HIBADH: variants seen among roughly 807,000 people sequenced by gnomAD.
HIBADH encodes the protein 3-hydroxyisobutyrate dehydrogenase, mitochondrial.
A neutral mutation model predicts 36.1 loss-of-function variants in HIBADH; 25 were observed. The observed-to-expected ratio is 0.69, with a 90% CI of 0.50 to 0.97. The LOEUF (loss-of-function observed/expected upper bound fraction) is 0.97. Among genes scored for constraint, HIBADH ranks in the 50% least tolerant of loss-of-function variants. The pLI is 0.00. For missense variants in HIBADH, 421 were observed against 418.0 expected (o/e 1.01, Z -0.06); for synonymous variants, 160 against 149.5 (o/e 1.07, Z -0.51).
chr7:27,534,541 A>G (rs946313113), intron 6 of HIBADH, among the ~76,000 whole-genome samples: 1 of 152,110 alleles, frequency 6.6e-6, no homozygotes, highest in Non-Finnish European at 1.5e-5. Context: ...GCCATATCTT[A>G]TCCCCTCACT....
chr7:27,645,368 A>ATGTTTTTTTGTTTTT (rs1554300959), intron 2 of HIBADH, among the ~76,000 whole-genome samples: 1 of 59,652 alleles, frequency 1.7e-5, no homozygotes, highest in African/African-American at 6.3e-5. Flanking sequence ...CATGGTTTTG[A>ATGTTTTTTTGTTTTT]TTTTTTTTTT....
intron 1 of HIBADH, among the ~76,000 whole-genome samples, chr7:27,655,415 G>A (rs900087020): frequency 3.3e-5 from 5 of 152,122 alleles, no homozygotes; most frequent in African/African-American, 4.8e-5. Context: ...ATTCAAGCGG[G>A]ATAGGTATAT....
intron 4 of HIBADH, among the ~76,000 whole-genome samples, chr7:27,549,079 A>G (rs978665539): frequency 6.6e-6 from 1 of 152,204 alleles, no homozygotes; most frequent in African/African-American, 2.4e-5. Context: ...TCTGCCTGTT[A>G]TCTAAATGCA....
intron 7 of HIBADH, among the ~76,000 whole-genome samples, chr7:27,529,254 A>G (rs1236739126): frequency 2.6e-5 from 4 of 152,032 alleles, no homozygotes; most frequent in African/African-American, 4.8e-5. Context: ...CCATGGATCA[A>G]AGAGTCATTT....
chr7:27,648,990 C>T (rs1786126510), intron 2 of HIBADH, among the ~76,000 whole-genome samples: 1 of 152,176 alleles, frequency 6.6e-6, no homozygotes, highest in African/African-American at 2.4e-5. Flanking sequence ...CATAGGTTGT[C>T]ATCGTTCACA....
chr7:27,559,255 C>T (rs1454560869), intron 4 of HIBADH, among the ~76,000 whole-genome samples: 1 of 152,132 alleles, frequency 6.6e-6, no homozygotes, highest in Non-Finnish European at 1.5e-5. Context: ...TGGTCATATT[C>T]TGAGATACTT....
At chr7:27,641,646 T>C (rs1785963371) in intron 2 of HIBADH, among the ~76,000 whole-genome samples, 1 of 152,250 alleles carries the variant, frequency 6.6e-6, no homozygotes, top group South Asian at 2.1e-4. Context: ...CATTTTAATA[T>C]ATCAGAACGT....
At chr7:27,530,366 C>T (rs1483157168) in intron 7 of HIBADH, among the ~76,000 whole-genome samples, 4 of 152,032 alleles carry the variant, frequency 2.6e-5, no homozygotes, top group East Asian at 1.9e-4. Flanking sequence ...CCACCACGCC[C>T]GACTAATTTT....
chr7:27,616,459 T>G (rs1161776734), intron 4 of HIBADH, among the ~76,000 whole-genome samples: 1 of 151,866 alleles, frequency 6.6e-6, no homozygotes, highest in Non-Finnish European at 1.5e-5. Context: ...GTCTTCGTTG[T>G]TTTTTTTGTT....
At chr7:27,649,719 ATTTTT>A in intron 1 of HIBADH, 86 bp from the exon 2 acceptor site, 4 of 1,043,964 alleles carry the variant, frequency 3.8e-6, no homozygotes, top group Non-Finnish European at 5.2e-6. Flanking sequence ...CAATTGTTAG[ATTTTT>A]TTTTTTTAAT....
At chr7:27,529,893 C>G (rs376177807) in intron 7 of HIBADH, among the ~76,000 whole-genome samples, 5 of 152,184 alleles carry the variant, frequency 3.3e-5, no homozygotes, top group Middle Eastern at 3.2e-3. Flanking sequence ...CTTCAGCAAC[C>G]GCCACCCTGG....
chr7:27,566,130 T>C (rs1481658890), intron 4 of HIBADH, among the ~76,000 whole-genome samples: 1 of 152,138 alleles, frequency 6.6e-6, no homozygotes, highest in Non-Finnish European at 1.5e-5. Flanking sequence ...ACTAGTCTTA[T>C]AGTTTATCTG....
At chr7:27,645,368 A>ATGTTTT (rs1554300959) in intron 2 of HIBADH, among the ~76,000 whole-genome samples, 2,984 of 59,600 alleles carry the variant, frequency 0.05, 891 homozygotes, top group East Asian at 0.18. Context: ...CATGGTTTTG[A>ATGTTTT]TTTTTTTTTT....
chr7:27,541,890 A>G (rs1784156751), intron 5 of HIBADH: 1 of 290,550 alleles, frequency 3.4e-6, no homozygotes, highest in African/African-American at 2.3e-5. Flanking sequence ...TACTTGTAAC[A>G]CTTGAGTTCA....
At chr7:27,558,888 T>C (rs1436731426) in intron 4 of HIBADH, among the ~76,000 whole-genome samples, 1 of 152,180 alleles carries the variant, frequency 6.6e-6, no homozygotes, top group Non-Finnish European at 1.5e-5. Context: ...AGCAGAATAT[T>C]TTCAAGTTTG....
rs146545672 is a variant in HIBADH, at chr7:27,581,340, T to C, written c.485-38240A>G. Among the ~76,000 whole-genome samples, 600 of 152,254 alleles carry C rather than the reference T, an allele frequency of 3.9e-3. 2 individuals carry two copies. Among genetic ancestry groups the C allele is most frequent in the Middle Eastern group, 0.02 (6 of 294 alleles). On this transcript the variant is annotated intron_variant, in intron 4 of 7. Transcript: ENST00000265395. ...CGAGGAAGCTGAGGATGTGTAATCA[T>C]GTACGGTGGAATATAAACCAGTAGG...
chr7:27,581,805 C>T (rs1784796685), intron 4 of HIBADH, among the ~76,000 whole-genome samples: 1 of 150,986 alleles, frequency 6.6e-6, no homozygotes, highest in Non-Finnish European at 1.5e-5. Context: ...TTTCCATTCT[C>T]ATTTTAAAAA....
At chr7:27,587,487 C>A (rs890057239) in intron 4 of HIBADH, among the ~76,000 whole-genome samples, 3 of 152,038 alleles carry the variant, frequency 2.0e-5, no homozygotes, top group African/African-American at 7.2e-5. Context: ...GTAGCTTTTA[C>A]TAATACCTAC....
chr7:27,626,105 A>G (rs1019498600), intron 4 of HIBADH, among the ~76,000 whole-genome samples: 1 of 27,582 alleles, frequency 3.6e-5, no homozygotes, highest in African/African-American at 2.5e-4. Flanking sequence ...TCCGTCTCAG[A>G]AAAAAAAAAA....
Sources: gnomAD v4.1 joint callset for allele counts (sites outside exome capture counted in the v4.1 genomes callset) on GRCh38, gnomAD v4.1.1 for gene constraint, MANE v1.5 for transcripts, NCBI Gene and HGNC (gene_info 2026-07-23, HGNC 2026-07-21) for gene names.